Variants in SWT1 observed in about 807,000 individuals in gnomAD.
SWT1 encodes transcriptional protein SWT1.
Under a neutral mutation model 107.3 loss-of-function variants are expected in SWT1, and 33 were observed. The observed-to-expected ratio is 0.31, with a 90% confidence interval of 0.23 to 0.41. The LOEUF (loss-of-function observed/expected upper bound fraction) is 0.41, where lower values mean the gene tolerates loss of function less well. SWT1 is among the 10% of genes least tolerant of loss of function. The pLI, the probability that SWT1 is intolerant of heterozygous loss-of-function variation, is 1.00. For synonymous variants in SWT1, 345 were observed against 348.3 expected (o/e 0.99, Z 0.11); for missense variants, 898 against 1,028.9 (o/e 0.87, Z 1.74).
At chr1:185,280,857 CG>C in intron 18 of SWT1, 1 of 431,416 alleles carries the variant, frequency 2.3e-6, no homozygotes, top group Non-Finnish European at 4.7e-6. Flanking sequence ...CCAGAGCTGG[CG>C]GTGCAGAAGG....
At chr1:185,274,476 T>C (rs1664107320) in intron 17 of SWT1, among the ~76,000 whole-genome samples, 1 of 151,844 alleles carries the variant, frequency 6.6e-6, no homozygotes, top group Admixed American at 6.6e-5. Flanking sequence ...ATTTTTAAAA[T>C]CATTTCTCTT....
chr1:185,187,074 A>T (rs1656548513), intron 9 of SWT1, among the ~76,000 whole-genome samples: 2 of 113,216 alleles, frequency 1.8e-5, no homozygotes, highest in Non-Finnish European at 1.8e-5. Flanking sequence ...TTTTTTTTTA[A>T]AAGAGTCTTC....
chr1:185,185,805 A>T (rs1456834336), intron 9 of SWT1, among the ~76,000 whole-genome samples: 2 of 152,168 alleles, frequency 1.3e-5, no homozygotes, highest in Non-Finnish European at 2.9e-5. Flanking sequence ...TTGAAGAAAA[A>T]GGGTCTCTAC....
intron 13 of SWT1, among the ~76,000 whole-genome samples, chr1:185,211,544 G>A (rs550250543): frequency 2.0e-5 from 3 of 152,130 alleles, no homozygotes; most frequent in African/African-American, 7.2e-5. Context: ...CTCCAAAGCG[G>A]TTTTATAAAC....
Position 185,174,471 on chromosome 1 carries a change from T to G in SWT1, c.324T>G (p.Asn108Lys), listed in dbSNP as rs912004903. 1.2e-6 allele frequency: 2 copies of G among 1,610,456 alleles called. No homozygotes were observed. Among genetic ancestry groups the G allele is most frequent in the Non-Finnish European group, 1.7e-6 (2 of 1,179,048 alleles). The change falls in exon 5 of 19, where the codon AAT becomes AAG. Residue 108 changes from asparagine (N) to lysine (K), a missense_variant. Around this residue, in one of 6 missense-constraint regions of SWT1, gnomAD observed 382 missense variants for 362.4 expected, o/e 1.05. Transcript: ENST00000367500. Reference sequence around the variant, plus strand: ...AAGAAGCATCATATTCAAATGATAATCAAATTATTTTGCAGAGTCCTTCTT... The same window carrying G: ...AAGAAGCATCATATTCAAATGATAAGCAAATTATTTTGCAGAGTCCTTCTT... ...KLKEASYSND[N>K]QIILQSPSSN...
intron 18 of SWT1, among the ~76,000 whole-genome samples, chr1:185,277,634 C>T (rs774267028): frequency 1.3e-5 from 2 of 152,148 alleles, no homozygotes; most frequent in Non-Finnish European, 2.9e-5. Context: ...TCTTTGACCT[C>T]GCATACCCTC....
At chr1:185,234,748 T>C (rs908184522) in intron 16 of SWT1, among the ~76,000 whole-genome samples, 1 of 152,210 alleles carries the variant, frequency 6.6e-6, no homozygotes, top group African/African-American at 2.4e-5. Flanking sequence ...TTGCAGTGGC[T>C]GGTACCGGTT....
intron 2 of SWT1, among the ~76,000 whole-genome samples, chr1:185,162,294 C>A (rs1654217566): frequency 6.6e-6 from 1 of 152,200 alleles, no homozygotes; most frequent in Non-Finnish European, 1.5e-5. Flanking sequence ...ATCCATTGGT[C>A]ATTTCTAAGA....
At position 185,174,476 on chromosome 1, in the gene SWT1, T is replaced by G; in HGVS notation, c.329T>G (p.Ile110Ser). ...GCATCATATTCAAATGATAATCAAATTATTTTGCAGAGTCCTTCTTCAAAT... is the reference window on the plus strand; with the variant it reads ...GCATCATATTCAAATGATAATCAAAGTATTTTGCAGAGTCCTTCTTCAAAT... ...KEASYSNDNQIILQSPSSNGT... is the reference protein window; with the variant it reads ...KEASYSNDNQSILQSPSSNGT... Residue 110 changes from isoleucine (I) to serine (S), a missense_variant, in exon 5 of 19, where the codon ATT becomes AGT. Around this residue, in one of 6 missense-constraint regions of SWT1, gnomAD observed 382 missense variants for 362.4 expected, o/e 1.05. Coordinates refer to ENST00000367500, the MANE Select transcript of SWT1 (RefSeq NM_017673.7). 6.2e-7 allele frequency: 1 copy of G among 1,610,704 alleles called. No homozygotes were observed. Among genetic ancestry groups the G allele is most frequent in the South Asian group, 1.1e-5 (1 of 89,960 alleles).
At position 185,245,250 on chromosome 1, in the gene SWT1, CT is replaced by C. The variant is rs1413209870; in HGVS notation, c.2441+13547del. Among the ~76,000 whole-genome samples, 5 of 151,640 alleles carry C rather than the reference CT, an allele frequency of 3.3e-5. No homozygotes were observed. In the East Asian group the frequency reaches 7.7e-4, roughly 23 times the overall value. Reference sequence around the variant, plus strand: ...TATAACAATTTTTATTTATTTTTTACTTTTTAAGCTTTTTTGTTAAAAACTA... The same window carrying C: ...TATAACAATTTTTATTTATTTTTTACTTTTAAGCTTTTTTGTTAAAAACTA... On this transcript the variant is annotated intron_variant, in intron 16 of 18. Coordinates refer to ENST00000367500, the MANE Select transcript of SWT1 (RefSeq NM_017673.7).
intron 16 of SWT1, among the ~76,000 whole-genome samples, chr1:185,259,415 G>T (rs984793031): frequency 6.6e-6 from 1 of 152,092 alleles, no homozygotes; most frequent in Non-Finnish European, 1.5e-5. Flanking sequence ...CATAGTCATA[G>T]GTACAGAGTT....
chr1:185,258,806 C>A (rs1662814296), intron 16 of SWT1, among the ~76,000 whole-genome samples: 1 of 151,812 alleles, frequency 6.6e-6, no homozygotes, highest in South Asian at 2.1e-4. Flanking sequence ...TTTTGCTTAT[C>A]TCTCTTGAGA....
In SWT1 at chr1:185,190,538, T is replaced by A. The variant is rs146906543; in HGVS notation, c.1430-11T>A. On this transcript the variant is annotated splice_polypyrimidine_tract_variant and intron_variant, in intron 9 of 18. Coordinates refer to ENST00000367500, the MANE Select transcript of SWT1 (RefSeq NM_017673.7). Reference sequence around the variant, plus strand: ...TGTACTTACTGACTGTTGCCTTTACTAAATTTGCAGATGGATTGAGTGATG... The same window carrying A: ...TGTACTTACTGACTGTTGCCTTTACAAAATTTGCAGATGGATTGAGTGATG... 145 of 1,558,676 alleles carry A rather than the reference T, an allele frequency of 9.3e-5. No individual in the cohort carries two copies. The highest frequency in any genetic ancestry group is 1.2e-4 in the Non-Finnish European group (131 of 1,130,816).
chr1:185,160,846 C>A lies in SWT1; in HGVS notation c.5C>A (p.Ser2Tyr), dbSNP rs1285091563. M[S>Y]SKESCGKKET... ...TGTTTATGTTAGCTTTTCAGGATGTCCAGCAAAGAATCCTGTGGGAAAAAA... is the reference window on the plus strand; with the variant it reads ...TGTTTATGTTAGCTTTTCAGGATGTACAGCAAAGAATCCTGTGGGAAAAAA... Residue 2 changes from serine (S) to tyrosine (Y), a missense_variant, in exon 2 of 19, where the codon TCC becomes TAC. Transcript: ENST00000367500. 5 of 1,610,280 alleles carry A rather than the reference C, an allele frequency of 3.1e-6. No homozygotes were observed. Among genetic ancestry groups the A allele is most frequent in the Non-Finnish European group, 4.2e-6 (5 of 1,178,388 alleles).
intron 16 of SWT1, among the ~76,000 whole-genome samples, chr1:185,256,884 G>C (rs542599824): frequency 1.3e-5 from 2 of 152,242 alleles, no homozygotes; most frequent in Admixed American, 6.5e-5. Context: ...CAGTTTTTCT[G>C]TTCTGTTTTT....
intron 15 of SWT1, chr1:185,226,904 C>T (rs1660109975): frequency 7.6e-7 from 1 of 1,311,344 alleles, no homozygotes. Flanking sequence ...GACAGTTCCA[C>T]CTCTTCTTTT....
intron 18 of SWT1, among the ~76,000 whole-genome samples, chr1:185,289,183 T>C (rs940242824): frequency 6.6e-6 from 1 of 152,252 alleles, no homozygotes; most frequent in African/African-American, 2.4e-5. Flanking sequence ...CATTCTTTGA[T>C]ATTTGAGGTA....
chr1:185,221,050 GACACACACACACACACACAC>G (rs59643566), intron 14 of SWT1, among the ~76,000 whole-genome samples: 1 of 149,750 alleles, frequency 6.7e-6, no homozygotes, highest in South Asian at 2.1e-4. Flanking sequence ...CGTGCACACA[GACACACACACACACACACAC>G]ACACACACAC....
Position 185,288,584 on chromosome 1 carries a change from T to C in SWT1, c.2574-2090T>C, listed in dbSNP as rs72637300. Among the ~76,000 whole-genome samples, 446 of 152,270 alleles carry C rather than the reference T, an allele frequency of 2.9e-3. 13 individuals are homozygous for C. The East Asian group carries it at 0.076, about 26-fold the overall frequency. On this transcript the variant is annotated intron_variant, in intron 18 of 18. Coordinates refer to ENST00000367500, the MANE Select transcript of SWT1 (RefSeq NM_017673.7). Reference sequence around the variant, plus strand: ...GAGGGGCAGTGGGAGAGGTAGCTAGTGGTTCTCTCCAACACCATGAATATG... The same window carrying C: ...GAGGGGCAGTGGGAGAGGTAGCTAGCGGTTCTCTCCAACACCATGAATATG...
Sources: gnomAD v4.1 joint callset for allele counts (sites outside exome capture counted in the v4.1 genomes callset) on GRCh38, gnomAD v4.1.1 for gene constraint, gnomAD v4.1.1 regional missense constraint, MANE v1.5 for transcripts, NCBI Gene and HGNC (gene_info 2026-07-23, HGNC 2026-07-21) for gene names.